The following PHF20 variants were observed in gnomAD, a reference collection of about 807,000 sequenced individuals.
The protein encoded by PHF20 is PHD finger protein 20.
A neutral mutation model predicts 113.5 loss-of-function variants in PHF20; 23 were observed. The ratio of observed to expected loss-of-function variants is 0.20; its 90% confidence interval spans 0.15 to 0.29. PHF20 has a LOEUF of 0.29. Ranked by LOEUF, PHF20 falls within the 10% of genes least tolerant of loss-of-function variation. The pLI, the probability that PHF20 is intolerant of heterozygous loss-of-function variation, is 1.00. For synonymous variants in PHF20, 434 were observed against 457.3 expected (o/e 0.95, Z 0.65); for missense variants, 943 against 1,219.6 (o/e 0.77, Z 3.38).
chr20:35,837,332 A>T (rs933939594), intron 2 of PHF20, among the ~76,000 whole-genome samples: 7 of 152,268 alleles, frequency 4.6e-5, no homozygotes, highest in Non-Finnish European at 8.8e-5. Flanking sequence ...TCCTCCTAAG[A>T]GCTAATTTTT....
At chr20:35,776,967 G>A (rs867921987) in intron 1 of PHF20, among the ~76,000 whole-genome samples, 1 of 152,198 alleles carries the variant, frequency 6.6e-6, no homozygotes, top group South Asian at 2.1e-4. Context: ...TGCTCCCTTG[G>A]GCAGCCTGCC....
intron 4 of PHF20, chr20:35,855,263 A>G (rs1296978387): frequency 7.5e-7 from 1 of 1,338,500 alleles, no homozygotes; most frequent in South Asian, 1.2e-5. Flanking sequence ...CAATATAGGC[A>G]GGTAAAAACA....
At chr20:35,801,818 T>A in intron 2 of PHF20, 1 of 372,486 alleles carries the variant, frequency 2.7e-6, no homozygotes, top group East Asian at 4.6e-5. Flanking sequence ...TTCCCCCTTT[T>A]GCCTGTTCAT....
rs547948503 is a variant in PHF20 at position 35,852,689 on chromosome 20, C to A, written c.340+5255C>A. Among the ~76,000 whole-genome samples, 34 of 151,504 alleles carry A rather than the reference C, an allele frequency of 2.2e-4. No individual in the cohort carries two copies. The East Asian group carries it at 6.2e-3, about 27-fold the overall frequency. On this transcript the variant is annotated intron_variant, in intron 4 of 17. Transcript: ENST00000374012. ...TCTCAGCTCACTGCAACCTCCGCCT[C>A]CTGGGTTCAAGTGATTCTCCTGTGT...
chr20:35,814,852 G>A (rs1324414423), intron 2 of PHF20, among the ~76,000 whole-genome samples: 1 of 131,310 alleles, frequency 7.6e-6, no homozygotes, highest in Admixed American at 8.5e-5. Flanking sequence ...CAGCCTGGGC[G>A]ACAGAGCGAG....
chr20:35,773,935 A>T (rs2041117808), intron 1 of PHF20, among the ~76,000 whole-genome samples: 1 of 152,084 alleles, frequency 6.6e-6, no homozygotes, highest in Non-Finnish European at 1.5e-5. Context: ...TCTAGCCCAT[A>T]AACTTCTTCC....
chr20:35,937,175 A>G lies in PHF20; in HGVS notation c.2301-1522A>G, dbSNP rs191824292. ...TATCTAAAGAGTCAAGTTATTATCT[A>G]AAGGCCAGTCGCCAGGCTTGGTGGC... On this transcript the variant is annotated intron_variant, in intron 15 of 17. Coordinates refer to ENST00000374012, the MANE Select transcript of PHF20 (RefSeq NM_016436.5). Among the ~76,000 whole-genome samples the G allele has an allele frequency of 3.4e-3, 510 of 152,192 alleles. 3 individuals carry two copies. Among genetic ancestry groups the G allele is most frequent in the Non-Finnish European group, 2.8e-3 (189 of 67,984 alleles).
At chr20:35,844,543 CCACACACACACACACACA>C (rs61622083) in intron 3 of PHF20, among the ~76,000 whole-genome samples, 115 of 117,726 alleles carry the variant, frequency 9.8e-4, no homozygotes, top group South Asian at 2.5e-3. Context: ...TTCACCATCA[CCACACACACACACACACA>C]CACACACACA....
intron 2 of PHF20, among the ~76,000 whole-genome samples, chr20:35,805,754 A>G (rs1401113907): frequency 1.3e-5 from 2 of 152,134 alleles, no homozygotes; most frequent in African/African-American, 2.4e-5. Flanking sequence ...TGCTGGGGTT[A>G]CAGGCATAAG....
intron 5 of PHF20, among the ~76,000 whole-genome samples, chr20:35,859,604 G>A (rs1178709935): frequency 2.0e-5 from 3 of 151,666 alleles, no homozygotes; most frequent in Non-Finnish European, 4.4e-5. Flanking sequence ...GTGTGCAGTG[G>A]CGCAATCTTG....
At chr20:35,833,655 G>A (rs1302812978) in intron 2 of PHF20, among the ~76,000 whole-genome samples, 1 of 152,100 alleles carries the variant, frequency 6.6e-6, no homozygotes, top group Admixed American at 6.6e-5. Flanking sequence ...ATCTCTGAAG[G>A]TTTGATCCAA....
intron 15 of PHF20, among the ~76,000 whole-genome samples, chr20:35,935,275 T>C (rs530991622): frequency 6.6e-6 from 1 of 152,268 alleles, no homozygotes; most frequent in Non-Finnish European, 1.5e-5. Flanking sequence ...GCATTTCTTT[T>C]CATTTGAGGG....
At position 35,945,182 on chromosome 20, in the gene PHF20, G is replaced by A. The variant is rs539541360; in HGVS notation, c.2897-2303G>A. Among the ~76,000 whole-genome samples, 3 of 152,288 alleles carry A rather than the reference G, an allele frequency of 2.0e-5. No individual in the cohort carries two copies. In the South Asian group the frequency reaches 6.2e-4, roughly 32 times the overall value. On this transcript the variant is annotated intron_variant, in intron 17 of 17. Coordinates refer to ENST00000374012, the MANE Select transcript of PHF20 (RefSeq NM_016436.5). ...CATAGGGCCCAGAGCAATGGGTAGG[G>A]CGCTTTGCTGGACCACACATTCCTT...
intron 1 of PHF20, among the ~76,000 whole-genome samples, chr20:35,786,539 T>C (rs771259064): frequency 6.6e-6 from 1 of 151,744 alleles, no homozygotes; most frequent in Admixed American, 6.6e-5. Flanking sequence ...CTGTCTCTAC[T>C]AAAATACAAA....
intron 1 of PHF20, among the ~76,000 whole-genome samples, chr20:35,776,728 G>C (rs1289365784): frequency 6.6e-6 from 1 of 152,132 alleles, no homozygotes. Context: ...ATGAGTGTCA[G>C]ATCCTATTCA....
chr20:35,909,323 C>T (rs897175731), intron 10 of PHF20, among the ~76,000 whole-genome samples: 3 of 151,752 alleles, frequency 2.0e-5, no homozygotes, highest in Admixed American at 6.6e-5. Flanking sequence ...CTGTGAGGGA[C>T]AGGGGGTGTT....
At chr20:35,910,506 A>G (rs984241921) in intron 10 of PHF20, among the ~76,000 whole-genome samples, 3 of 152,096 alleles carry the variant, frequency 2.0e-5, no homozygotes, top group African/African-American at 7.2e-5. Flanking sequence ...AAGATAGTAA[A>G]CATATTCCAT....
intron 15 of PHF20, among the ~76,000 whole-genome samples, chr20:35,936,185 A>G (rs1424143425): frequency 6.6e-6 from 1 of 152,192 alleles, no homozygotes; most frequent in Non-Finnish European, 1.5e-5. Context: ...GTTAACAGGT[A>G]GTGGACCTGA....
At chr20:35,831,962 G>A (rs3787169) in intron 2 of PHF20, among the ~76,000 whole-genome samples, 25,752 of 152,094 alleles carry the variant, frequency 0.17, 2,270 homozygotes, top group African/African-American at 0.24. Flanking sequence ...GCAGTGGTCC[G>A]TGGACTGCTC....
Sources: gnomAD v4.1 joint callset for allele counts (sites outside exome capture counted in the v4.1 genomes callset) on GRCh38, gnomAD v4.1.1 for gene constraint, MANE v1.5 for transcripts, NCBI Gene and HGNC (gene_info 2026-07-23, HGNC 2026-07-21) for gene names.